MAGI2: variants seen among roughly 807,000 people sequenced by gnomAD.
MAGI2 encodes membrane-associated guanylate kinase, WW and PDZ domain-containing protein 2.
A neutral mutation model predicts 133.3 loss-of-function variants in MAGI2; 35 were observed. The observed-to-expected ratio is 0.26, with a 90% CI of 0.20 to 0.35. MAGI2 has a LOEUF of 0.35. Ranked by LOEUF, MAGI2 falls within the 10% of genes least tolerant of loss-of-function variation. The probability of loss-of-function intolerance (pLI) is 1.00; values close to 1 mark genes in which losing one functional copy is unlikely to be tolerated. For synonymous variants in MAGI2, 729 were observed against 710.6 expected (o/e 1.03, Z -0.41); for missense variants, 1,636 against 1,863.4 (o/e 0.88, Z 2.25).
chr7:78,993,964 TC>T (rs1806039841), intron 2 of MAGI2, among the ~76,000 whole-genome samples: 1 of 152,046 alleles, frequency 6.6e-6, no homozygotes, highest in Admixed American at 6.6e-5. Flanking sequence ...TTAACCTGAA[TC>T]CCCTGAGCCA....
At chr7:78,039,766 A>C (rs914841216) in intron 21 of MAGI2, 3 of 152,236 alleles carry the variant, frequency 2.0e-5, no homozygotes, top group African/African-American at 7.2e-5. Flanking sequence ...TCGTTTAAAC[A>C]ATCATTTTGT....
chr7:78,633,428 G>A (rs967464366), intron 2 of MAGI2, among the ~76,000 whole-genome samples: 3 of 152,106 alleles, frequency 2.0e-5, no homozygotes, highest in African/African-American at 7.2e-5. Flanking sequence ...GAGAATGGCT[G>A]GGGGCGGTGG....
chr7:78,061,654 G>T (rs1813285468), intron 21 of MAGI2, among the ~76,000 whole-genome samples: 1 of 152,158 alleles, frequency 6.6e-6, no homozygotes, highest in Non-Finnish European at 1.5e-5. Context: ...TGAAATGAAG[G>T]CAGGGGTGGC....
intron 4 of MAGI2, among the ~76,000 whole-genome samples, chr7:78,505,690 CT>C (rs1342058747): frequency 6.6e-5 from 10 of 152,210 alleles, no homozygotes; most frequent in Admixed American, 2.6e-4. Context: ...TTGATCCTTT[CT>C]CTCATGGAAC....
At chr7:79,054,381 T>C (rs777819854) in intron 1 of MAGI2, among the ~76,000 whole-genome samples, 2 of 152,188 alleles carry the variant, frequency 1.3e-5, no homozygotes, top group Non-Finnish European at 2.9e-5. Context: ...ATATTTTTTA[T>C]TTAGAAAATC....
At chr7:79,221,378 A>G (rs1830433939) in intron 1 of MAGI2, among the ~76,000 whole-genome samples, 4 of 152,004 alleles carry the variant, frequency 2.6e-5, no homozygotes. Context: ...ATTTCACTTA[A>G]TCCTCTCAGA....
chr7:79,372,093 G>A (rs1391754295), intron 1 of MAGI2, among the ~76,000 whole-genome samples: 1 of 152,056 alleles, frequency 6.6e-6, no homozygotes, highest in Non-Finnish European at 1.5e-5. Flanking sequence ...ATCGAAATCT[G>A]CATTGCCTTC....
rs60719172 is a variant in MAGI2, at chr7:79,186,191, AATATATATATATATAT to A, written c.302-179001_302-178986del. Among the ~76,000 whole-genome samples the A allele has an allele frequency of 2.3e-3, 255 of 111,814 alleles. 2 individuals are homozygous for A. Among genetic ancestry groups the A allele is most frequent in the South Asian group, 0.015 (46 of 3,042 alleles). 73.4% of individuals were successfully genotyped at this position (111,814 alleles called of 152,430 possible). A position where few individuals can be genotyped will look rare whatever the true frequency, so the allele number is the denominator to read the frequency against. The stretch of plus-strand genomic sequence containing the variant: ...GAGGCCAGCCCTATTTGCCTGGGAA[AATATATATATATATAT>A]ATATATATATATATATATATATATA... On this transcript the variant is annotated intron_variant, in intron 1 of 21. Coordinates refer to ENST00000354212, the MANE Select transcript of MAGI2 (RefSeq NM_012301.4).
intron 1 of MAGI2, among the ~76,000 whole-genome samples, chr7:79,447,562 ATTG>A (rs1374867290): frequency 1.2e-4 from 18 of 152,034 alleles, no homozygotes; most frequent in Admixed American, 1.2e-3. Context: ...CAGTGGAAGT[ATTG>A]TTGGTTGCTT....
chr7:78,881,521 T>C (rs1237711222), intron 2 of MAGI2, among the ~76,000 whole-genome samples: 1 of 152,042 alleles, frequency 6.6e-6, no homozygotes, highest in African/African-American at 2.4e-5. Context: ...GGCACATGTA[T>C]ACACATGTAA....
chr7:79,331,869 C>T (rs143771006), intron 1 of MAGI2, among the ~76,000 whole-genome samples: 2 of 151,642 alleles, frequency 1.3e-5, no homozygotes, highest in African/African-American at 4.8e-5. Flanking sequence ...AAAATTGCAG[C>T]GCACCAGCAT....
In MAGI2 at chr7:78,742,964, G is replaced by C. The variant is rs558115061; in HGVS notation, c.419-115725C>G. On this transcript the variant is annotated intron_variant, in intron 2 of 21. Transcript: ENST00000354212. ...CCCTAACACAACATGCAGACAAAGAGATTCTCAGCCAGCCCATGCTGCTCC... is the reference window on the plus strand; with the variant it reads ...CCCTAACACAACATGCAGACAAAGACATTCTCAGCCAGCCCATGCTGCTCC... Among the ~76,000 whole-genome samples, 5 of 152,282 alleles carry C rather than the reference G, an allele frequency of 3.3e-5. No homozygotes were observed. In the East Asian group the frequency reaches 9.7e-4, roughly 29 times the overall value.
intron 1 of MAGI2, among the ~76,000 whole-genome samples, chr7:79,036,586 A>G (rs1012069416): frequency 2.1e-4 from 32 of 152,218 alleles, no homozygotes; most frequent in Non-Finnish European, 2.5e-4. Flanking sequence ...AGCTAGATCA[A>G]AAATCTCAAT....
intron 1 of MAGI2, among the ~76,000 whole-genome samples, chr7:79,096,199 T>C (rs1197769962): frequency 1.3e-5 from 2 of 152,118 alleles, no homozygotes; most frequent in African/African-American, 4.8e-5. Context: ...TCAATTAAAT[T>C]AGACCAATGG....
At chr7:78,462,428 C>T (rs1173972610) in intron 6 of MAGI2, among the ~76,000 whole-genome samples, 1 of 152,134 alleles carries the variant, frequency 6.6e-6, no homozygotes, top group Non-Finnish European at 1.5e-5. Flanking sequence ...CTAAGGGAAC[C>T]TGGGAACAGG....
At chr7:78,579,600 C>T (rs1014084604) in intron 3 of MAGI2, among the ~76,000 whole-genome samples, 3 of 152,246 alleles carry the variant, frequency 2.0e-5, no homozygotes. Context: ...CTTTTTATGC[C>T]ATTATTGCCT....
chr7:79,379,310 C>T (rs975298627), intron 1 of MAGI2, among the ~76,000 whole-genome samples: 3 of 151,778 alleles, frequency 2.0e-5, no homozygotes, highest in African/African-American at 4.8e-5. Flanking sequence ...TTTATGGCTG[C>T]ATAGTATTCC....
intron 1 of MAGI2, among the ~76,000 whole-genome samples, chr7:79,450,639 A>G (rs1026433886): frequency 6.6e-6 from 1 of 152,156 alleles, no homozygotes; most frequent in African/African-American, 2.4e-5. Flanking sequence ...TCACTTTAGA[A>G]GCATATATTC....
intron 3 of MAGI2, among the ~76,000 whole-genome samples, chr7:78,593,979 C>T (rs76076860): frequency 0.017 from 2,605 of 152,284 alleles, 32 homozygotes; most frequent in African/African-American, 0.037. Flanking sequence ...AAACATATCA[C>T]ATTCAAGGGT....
Sources: allele counts gnomAD v4.1 joint callset (sites outside exome capture counted in the v4.1 genomes callset), GRCh38; gene constraint gnomAD v4.1.1; transcripts MANE v1.5; gene names NCBI Gene and HGNC (gene_info 2026-07-23, HGNC 2026-07-21).